RFX4: variants seen among roughly 807,000 people sequenced by gnomAD.
RFX4 encodes regulatory factor X4.
In RFX4, 10 loss-of-function variants were observed where a neutral mutation model predicts 95.0. That is an observed-to-expected ratio of 0.11 (90% CI 0.06 to 0.18). RFX4 has a LOEUF of 0.18. Among genes scored for constraint, RFX4 ranks in the 10% least tolerant of loss-of-function variants. The pLI, the probability that RFX4 is intolerant of heterozygous loss-of-function variation, is 1.00. For missense variants in RFX4, 640 were observed against 922.0 expected (o/e 0.69, Z 3.96); for synonymous variants, 321 against 340.7 (o/e 0.94, Z 0.64).
intron 17 of RFX4, among the ~76,000 whole-genome samples, chr12:106,759,177 C>T (rs569575852): frequency 4.6e-4 from 70 of 152,216 alleles, no homozygotes; most frequent in African/African-American, 1.5e-3. Flanking sequence ...AAAGTCTCTC[C>T]GAGGAGGTGA....
intron 4 of RFX4, among the ~76,000 whole-genome samples, chr12:106,671,504 G>A (rs1200226671): frequency 6.6e-6 from 1 of 152,046 alleles, no homozygotes; most frequent in Non-Finnish European, 1.5e-5. Flanking sequence ...GTCAGCCACA[G>A]TAAAGAAGAT....
At chr12:106,664,043 T>C (rs2041126966) in intron 4 of RFX4, among the ~76,000 whole-genome samples, 1 of 151,800 alleles carries the variant, frequency 6.6e-6, no homozygotes, top group African/African-American at 2.4e-5. Context: ...TTTTATCTGA[T>C]TTTGGTACTA....
intron 15 of RFX4, among the ~76,000 whole-genome samples, chr12:106,746,498 C>T (rs1051865111): frequency 1.3e-5 from 2 of 151,968 alleles, no homozygotes; most frequent in South Asian, 2.1e-4. Context: ...CATGTCATTG[C>T]ACTCCAGCGT....
chr12:106,686,189 G>A (rs1223704716), intron 5 of RFX4, among the ~76,000 whole-genome samples: 2 of 152,190 alleles, frequency 1.3e-5, no homozygotes, highest in Non-Finnish European at 2.9e-5. Context: ...AAGGTGGGCA[G>A]ATCATGAGGT....
At chr12:106,644,611 T>G (rs932069947) in intron 3 of RFX4, among the ~76,000 whole-genome samples, 1 of 152,210 alleles carries the variant, frequency 6.6e-6, no homozygotes, top group Non-Finnish European at 1.5e-5. Flanking sequence ...ACGGAACATC[T>G]TCGTGTGTGC....
chr12:106,655,548 A>G (rs561489313), intron 4 of RFX4, among the ~76,000 whole-genome samples: 7 of 152,270 alleles, frequency 4.6e-5, no homozygotes, highest in Admixed American at 2.6e-4. Context: ...CACAAGGTGG[A>G]TGTGTATGCT....
chr12:106,728,801 A>G lies in RFX4; in HGVS notation c.1352-3329A>G, dbSNP rs186036392. ...AATGATTAATTTCTGCTTAGTAAGA[A>G]CACTTAGCTTCTGTGGAGTCTGAGA... is the stretch of plus-strand genomic sequence containing the variant. On this transcript the variant is annotated intron_variant, in intron 13 of 17. Coordinates refer to ENST00000392842, the MANE Select transcript of RFX4 (RefSeq NM_213594.3). Among the ~76,000 whole-genome samples, 277 of 152,304 alleles carry G rather than the reference A, an allele frequency of 1.8e-3. 1 individual carries two copies. The highest frequency in any genetic ancestry group is 6.3e-3 in the African/African-American group (263 of 41,586).
chr12:106,669,839 G>GTGTGTGTGTGTGTGT lies in RFX4; in HGVS notation c.316-12154_316-12153insTGTGTGTGTGTGTGT, dbSNP rs1565972599. 5.7e-4 allele frequency among the ~76,000 whole-genome samples: 81 copies of GTGTGTGTGTGTGTGT among 143,252 alleles called. 2 individuals are homozygous for GTGTGTGTGTGTGTGT. Among genetic ancestry groups the GTGTGTGTGTGTGTGT allele is most frequent in the Non-Finnish European group, 9.0e-4 (59 of 65,852 alleles). The allele number at this position is 143,252 out of a possible 152,430, so 94.0% of individuals were successfully genotyped here. A position where few individuals can be genotyped will look rare whatever the true frequency, so the allele number is the denominator to read the frequency against. On this transcript the variant is annotated intron_variant, in intron 4 of 17. Coordinates refer to ENST00000392842, the MANE Select transcript of RFX4 (RefSeq NM_213594.3). ...GATTTCACACCAGGTTTTTTCTAGG[G>GTGTGTGTGTGTGTGT]GTGTGTGTGTGTGTGTGTGTGTGTG...
At chr12:106,647,441 T>G (rs1330021936) in intron 3 of RFX4, among the ~76,000 whole-genome samples, 1 of 152,156 alleles carries the variant, frequency 6.6e-6, no homozygotes, top group Non-Finnish European at 1.5e-5. Flanking sequence ...TAGCGCAGGG[T>G]AGGCACTTGA....
intron 3 of RFX4, among the ~76,000 whole-genome samples, chr12:106,648,625 G>GTT (rs1314607848): frequency 1.0e-4 from 15 of 146,166 alleles, no homozygotes; most frequent in Admixed American, 2.0e-4. Flanking sequence ...AATCCTGTGG[G>GTT]GTTTTTTTTT....
Position 106,720,979 on chromosome 12 carries a change from C to T in RFX4, c.1351+103C>T, listed in dbSNP as rs2042386065. ...TAACTTGCTGTTTCTGCAAGGTCAT[C>T]ACCCTGAAACACATCTCTTCTGGGG... On this transcript the variant is annotated intron_variant, in intron 13 of 17. Transcript: ENST00000392842. The surrounding 1 kb of genome is among the most constrained non-coding windows in gnomAD (Gnocchi z 4.2). 1 of 896,666 alleles carries T rather than the reference C, an allele frequency of 1.1e-6. No homozygotes were observed. Among genetic ancestry groups the T allele is most frequent in the African/African-American group, 1.7e-5 (1 of 59,922 alleles). 55.5% of individuals were successfully genotyped at this position (896,666 alleles called of 1,614,324 possible).
intron 2 of RFX4, among the ~76,000 whole-genome samples, chr12:106,622,215 A>T (rs933379062): frequency 6.6e-6 from 1 of 152,158 alleles, no homozygotes; most frequent in African/African-American, 2.4e-5. Flanking sequence ...CAAAACACAA[A>T]GATTATATTT....
At position 106,686,871 on chromosome 12, in the gene RFX4, C is replaced by G. The variant is rs1565979527; in HGVS notation, c.378-13C>G. On this transcript the variant is annotated splice_polypyrimidine_tract_variant and intron_variant, in intron 5 of 17. Transcript: ENST00000392842. ...TTTTTTTCTCTCTCTCCCTCCCTCC[C>G]CTTGTGGCCCAGGTACCATTACTAT... The G allele has an allele frequency of 6.3e-7, 1 of 1,595,982 alleles. No homozygotes were observed. Among genetic ancestry groups the G allele is most frequent in the Admixed American group, 1.7e-5 (1 of 59,694 alleles).
intron 3 of RFX4, among the ~76,000 whole-genome samples, chr12:106,640,901 C>T (rs2040609361): frequency 6.6e-6 from 1 of 151,744 alleles, no homozygotes; most frequent in African/African-American, 2.4e-5. Context: ...TTACCTCAGC[C>T]TCCCTACTAG....
intron 7 of RFX4, among the ~76,000 whole-genome samples, chr12:106,693,400 C>T (rs1310966477): frequency 6.6e-6 from 1 of 152,196 alleles, no homozygotes; most frequent in Non-Finnish European, 1.5e-5. Context: ...TAAATCCACA[C>T]AACAGCTGAT....
At chr12:106,687,773 G>A (rs1266882957) in intron 6 of RFX4, among the ~76,000 whole-genome samples, 1 of 152,140 alleles carries the variant, frequency 6.6e-6, no homozygotes, top group Non-Finnish European at 1.5e-5. Context: ...TATCATGTAT[G>A]CCTATCTGTC....
intron 8 of RFX4, among the ~76,000 whole-genome samples, chr12:106,697,027 G>C (rs1387861598): frequency 2.0e-5 from 3 of 152,150 alleles, no homozygotes; most frequent in Admixed American, 6.5e-5. Flanking sequence ...GGAGGGAGGA[G>C]AGTGAAGTCA....
At chr12:106,709,726 C>T (rs566821423) in intron 9 of RFX4, among the ~76,000 whole-genome samples, 5 of 152,282 alleles carry the variant, frequency 3.3e-5, no homozygotes, top group Admixed American at 2.6e-4. Flanking sequence ...CCACCACCAC[C>T]ATCCTCCTTA....
At position 106,583,123 on chromosome 12, in the gene RFX4, T is replaced by G; in HGVS notation, c.-198T>G. ...TCCCTTCTCTCCCTCTCTCTCCTCT[T>G]TTCTTCTTTCTCTTTTCTTTCCTCT... On this transcript the variant is annotated 5_prime_UTR_variant, in exon 1 of 18. Transcript: ENST00000392842. 2.2e-6 allele frequency: 1 copy of G among 461,724 alleles called. No homozygotes were observed. The allele number at this position is 461,724 out of a possible 1,614,324, so 28.6% of individuals were successfully genotyped here. A position where few individuals can be genotyped will look rare whatever the true frequency, so the allele number is the denominator to read the frequency against.
Sources: allele counts gnomAD v4.1 joint callset (sites outside exome capture counted in the v4.1 genomes callset), GRCh38; gene constraint gnomAD v4.1.1; non-coding constraint Gnocchi (gnomAD v3.1); transcripts MANE v1.5; gene names NCBI Gene and HGNC (gene_info 2026-07-23, HGNC 2026-07-21).